HNRNPLL: variants seen among roughly 807,000 people sequenced by gnomAD.
HNRNPLL encodes heterogeneous nuclear ribonucleoprotein L like.
HNRNPLL carries 25 observed loss-of-function variants against 67.1 expected under a neutral mutation model. That is an observed-to-expected ratio of 0.37 (90% CI 0.27 to 0.52). The LOEUF (loss-of-function observed/expected upper bound fraction) is 0.52, where lower values mean the gene tolerates loss of function less well. Among genes scored for constraint, HNRNPLL ranks in the 20% least tolerant of loss-of-function variants. The pLI is 0.90. For missense variants in HNRNPLL, 542 were observed against 673.9 expected, an observed-to-expected ratio of 0.80 and a Z score of 2.17; for synonymous variants, 267 against 241.7, an observed-to-expected ratio of 1.10 and a Z score of -0.97.
chr2:38,565,249 A>G (rs1665811723), intron 12 of HNRNPLL, among the ~76,000 whole-genome samples: 1 of 152,240 alleles, frequency 6.6e-6, no homozygotes, highest in Non-Finnish European at 1.5e-5. Flanking sequence ...AAGACACTGC[A>G]GAGGATAAAA....
chr2:38,576,997 A>C (rs747258966), intron 7 of HNRNPLL, among the ~76,000 whole-genome samples: 1 of 151,900 alleles, frequency 6.6e-6, no homozygotes. Flanking sequence ...AACAAATTTA[A>C]CTGAAACCAA....
chr2:38,586,335 T>C (rs771195484), intron 2 of HNRNPLL, among the ~76,000 whole-genome samples: 2 of 152,188 alleles, frequency 1.3e-5, no homozygotes, highest in South Asian at 2.1e-4. Context: ...ATCTGAAGAA[T>C]TGTGGTACAA....
chr2:38,589,037 A>G (rs1000361751), intron 2 of HNRNPLL, among the ~76,000 whole-genome samples: 1 of 152,234 alleles, frequency 6.6e-6, no homozygotes, highest in African/African-American at 2.4e-5. Flanking sequence ...GTCCTCCCAA[A>G]TGTTGTATTG....
chr2:38,584,540 T>A (rs1540436), intron 3 of HNRNPLL, among the ~76,000 whole-genome samples: 18,652 of 152,184 alleles, frequency 0.12, 1,234 homozygotes, highest in African/African-American at 0.14. Flanking sequence ...ATAAAATTAA[T>A]AAACCAAAAC....
In HNRNPLL at chr2:38,562,664, C is replaced by A. The variant is rs1452379178; in HGVS notation, c.*1518G>T. 6.6e-6 allele frequency: 1 copy of A among 152,036 alleles called. No homozygotes were observed. The highest frequency in any genetic ancestry group is 2.4e-5 in the African/African-American group (1 of 41,406). 9.4% of individuals were successfully genotyped at this position (152,036 alleles called of 1,614,324 possible). A position where few individuals can be genotyped will look rare whatever the true frequency, so the allele number is the denominator to read the frequency against. On this transcript the variant is annotated 3_prime_UTR_variant, in exon 13 of 13. Coordinates refer to ENST00000449105, the MANE Select transcript of HNRNPLL (RefSeq NM_138394.4). Reference sequence around the variant, plus strand: ...GTATCGAACACAGTTCACACAGTTACCCTTGGCATAACTTACTGGGTTCTG... The same window carrying A: ...GTATCGAACACAGTTCACACAGTTAACCTTGGCATAACTTACTGGGTTCTG...
chr2:38,566,360 T>G (rs1665859746), intron 12 of HNRNPLL, among the ~76,000 whole-genome samples: 1 of 120,878 alleles, frequency 8.3e-6, no homozygotes, highest in Non-Finnish European at 1.6e-5. Flanking sequence ...AGAGCAAGAC[T>G]CGTCTCAAAA....
Position 38,582,323 on chromosome 2 carries a change from G to C in HNRNPLL, c.633-155C>G, listed in dbSNP as rs998466665. Reference sequence around the variant, plus strand: ...GAATTTTAAGAGAATTTTTTGTTTTGTTTTGTTTTTGAGACGGAGTCTTGC... The same window carrying C: ...GAATTTTAAGAGAATTTTTTGTTTTCTTTTGTTTTTGAGACGGAGTCTTGC... On this transcript the variant is annotated intron_variant, in intron 4 of 12. Coordinates refer to ENST00000449105, the MANE Select transcript of HNRNPLL (RefSeq NM_138394.4). 4.9e-5 allele frequency: 33 copies of C among 679,164 alleles called. No homozygotes were observed. The African/African-American group carries it at 5.6e-4, about 12-fold the overall frequency. 42.1% of individuals were successfully genotyped at this position (679,164 alleles called of 1,614,324 possible).
chr2:38,593,420 G>C (rs77153664), intron 1 of HNRNPLL, among the ~76,000 whole-genome samples: 2,330 of 152,234 alleles, frequency 0.015, 58 homozygotes, highest in African/African-American at 0.053. Context: ...AAAATAATTA[G>C]AAAATAATAA....
Position 38,602,553 on chromosome 2 carries a change from A to C in HNRNPLL, c.74T>G (p.Leu25Arg). ...DREYESQAKR[L>R]KTEEGEIDYS... The stretch of plus-strand genomic sequence containing the variant: ...GTCGATCTCCCCCTCCTCGGTCTTG[A>C]GACGCTTGGCCTGGCTCTCGTACTC... The change falls in exon 1 of 13, where the codon CTC (leucine) becomes CGC (arginine). Residue 25 changes from leucine to arginine, a missense_variant. This residue lies in a region of HNRNPLL where 127 missense variants were observed against 98.7 expected (regional missense o/e 1.29). Transcript: ENST00000449105. 1 of 1,566,348 alleles carries C rather than the reference A, an allele frequency of 6.4e-7. No homozygotes were observed. Among genetic ancestry groups the C allele is most frequent in the Non-Finnish European group, 8.6e-7 (1 of 1,156,474 alleles).
intron 8 of HNRNPLL, among the ~76,000 whole-genome samples, chr2:38,572,410 A>G (rs138058397): frequency 6.6e-6 from 1 of 152,234 alleles, no homozygotes; most frequent in Admixed American, 6.5e-5. Context: ...TACTGTTGCA[A>G]AGAACACTAA....
intron 1 of HNRNPLL, among the ~76,000 whole-genome samples, chr2:38,594,305 T>C (rs1667087999): frequency 6.6e-6 from 1 of 152,232 alleles, no homozygotes; most frequent in Non-Finnish European, 1.5e-5. Flanking sequence ...ACAGACAGGA[T>C]ATTAGGTTAA....
Position 38,564,311 on chromosome 2 carries a change from T to C in HNRNPLL, c.1574-74A>G, listed in dbSNP as rs1485344465. The stretch of plus-strand genomic sequence containing the variant: ...GATCACCTTGAAGTATCAGAGTAAA[T>C]TACTTCACCTTTTTATACTAAATAT... On this transcript the variant is annotated intron_variant, in intron 12 of 12. Coordinates refer to ENST00000449105, the MANE Select transcript of HNRNPLL (RefSeq NM_138394.4). 2.0e-5 allele frequency: 16 copies of C among 793,490 alleles called. No homozygotes were observed. In the East Asian group the frequency reaches 4.0e-4, roughly 20 times the overall value. The allele number at this position is 793,490 out of a possible 1,614,324, so 49.2% of individuals were successfully genotyped here.
intron 1 of HNRNPLL, among the ~76,000 whole-genome samples, chr2:38,598,377 A>G (rs1190361508): frequency 6.6e-6 from 1 of 152,222 alleles, no homozygotes; most frequent in Admixed American, 6.5e-5. Flanking sequence ...ACATCATCCA[A>G]ATCCCTGGAT....
At chr2:38,581,672 G>T in intron 6 of HNRNPLL, 1 of 532,022 alleles carries the variant, frequency 1.9e-6, no homozygotes, top group Non-Finnish European at 3.3e-6. Context: ...TCCTTGAACT[G>T]CGGGCGTGCC....
intron 3 of HNRNPLL, among the ~76,000 whole-genome samples, chr2:38,584,376 T>G (rs1666645858): frequency 6.6e-6 from 1 of 152,180 alleles, no homozygotes; most frequent in Non-Finnish European, 1.5e-5. Context: ...TATTATACTT[T>G]AATAAATCTT....
intron 8 of HNRNPLL, 54 bp from the exon 9 acceptor site, chr2:38,569,979 A>T: frequency 7.4e-7 from 1 of 1,349,506 alleles, no homozygotes; most frequent in African/African-American, 1.5e-5. Flanking sequence ...TTACAGTAAA[A>T]GAAATTTTAA....
chr2:38,581,614 T>G, intron 6 of HNRNPLL: 1 of 472,792 alleles, frequency 2.1e-6, no homozygotes, highest in East Asian at 3.3e-5. Context: ...ATATTCTGAA[T>G]CAGTTTCCTC....
At chr2:38,577,248 T>C (rs1366274631) in intron 7 of HNRNPLL, among the ~76,000 whole-genome samples, 1 of 151,904 alleles carries the variant, frequency 6.6e-6, no homozygotes, top group Non-Finnish European at 1.5e-5. Flanking sequence ...CCCCAACTAG[T>C]AGCTCTCACT....
chr2:38,598,051 G>A (rs772936027), intron 1 of HNRNPLL, among the ~76,000 whole-genome samples: 14 of 151,534 alleles, frequency 9.2e-5, no homozygotes, highest in Non-Finnish European at 1.9e-4. Flanking sequence ...AAATCATTTG[G>A]TTTTGCCTAC....
Sources: allele counts gnomAD v4.1 joint callset (sites outside exome capture counted in the v4.1 genomes callset), GRCh38; gene constraint gnomAD v4.1.1; regional missense constraint gnomAD v4.1.1; transcripts MANE v1.5; gene names NCBI Gene and HGNC (gene_info 2026-07-23, HGNC 2026-07-21).